SYNPO2: variants seen among roughly 807,000 people sequenced by gnomAD.
SYNPO2 encodes the protein synaptopodin 2, also known as synaptopodin-2.
In SYNPO2, 56 loss-of-function variants were observed where a neutral mutation model predicts 85.0. That is an observed-to-expected ratio of 0.66 (90% CI 0.53 to 0.82). The LOEUF is 0.82. Among genes scored for constraint, SYNPO2 ranks in the 40% least tolerant of loss-of-function variants. The probability of loss-of-function intolerance (pLI) is 0.00; values close to 1 mark genes in which losing one functional copy is unlikely to be tolerated. For synonymous variants in SYNPO2, 602 were observed against 591.1 expected, an observed-to-expected ratio of 1.02 and a Z score of -0.27; for missense variants, 1,575 against 1,534.2, an observed-to-expected ratio of 1.03 and a Z score of -0.44.
intron 4 of SYNPO2, chr4:119,036,150 T>G: frequency 1.3e-5 from 13 of 985,462 alleles, no homozygotes; most frequent in Non-Finnish European, 1.6e-5. Flanking sequence ...GAGTCACAAC[T>G]GGCCCAGCAG....
chr4:118,966,354 G>A (rs138189194), intron 1 of SYNPO2, among the ~76,000 whole-genome samples: 11 of 152,328 alleles, frequency 7.2e-5, no homozygotes, highest in African/African-American at 2.6e-4. Context: ...AGAAAAGGCA[G>A]TCTGCCTCCC....
chr4:119,032,041 CT>C lies in SYNPO2; in HGVS notation c.3252+15del. The C allele has an allele frequency of 6.2e-7, 1 of 1,613,306 alleles. No individual in the cohort carries two copies. Among genetic ancestry groups the C allele is most frequent in the South Asian group, 1.1e-5 (1 of 90,844 alleles). On this transcript the variant is annotated intron_variant, in intron 4 of 4. Coordinates refer to ENST00000307142, the MANE Select transcript of SYNPO2 (RefSeq NM_133477.3). ...GTCACAATTCAGGTGTGGAAACCAT[CT>C]GTTGTGGAAGAGTAATCTTGTAGCT...
intron 1 of SYNPO2, among the ~76,000 whole-genome samples, chr4:118,936,189 C>G (rs191034158): frequency 1.3e-5 from 2 of 152,092 alleles, no homozygotes; most frequent in South Asian, 4.1e-4. Flanking sequence ...TGCCATATAA[C>G]GTAGGTGTGT....
chr4:119,013,535 T>C (rs1376020802), intron 1 of SYNPO2, among the ~76,000 whole-genome samples: 4 of 152,204 alleles, frequency 2.6e-5, no homozygotes, highest in Non-Finnish European at 4.4e-5. Context: ...TATTCAGCAG[T>C]TATTTTCTAG....
chr4:118,964,133 A>C (rs912655635), intron 1 of SYNPO2, among the ~76,000 whole-genome samples: 4 of 152,158 alleles, frequency 2.6e-5, no homozygotes, highest in African/African-American at 9.7e-5. Context: ...TTGGGGGATA[A>C]AGATAAATAA....
chr4:118,877,299 C>G (rs2110576707), intron 1 of SYNPO2, among the ~76,000 whole-genome samples: 1 of 152,102 alleles, frequency 6.6e-6, no homozygotes, highest in East Asian at 1.9e-4. Flanking sequence ...GATATAGGAC[C>G]AGGCAAATTT....
intron 1 of SYNPO2, among the ~76,000 whole-genome samples, chr4:118,876,665 TTCTCTTTC>T (rs1731917578): frequency 7.4e-6 from 1 of 135,268 alleles, no homozygotes; most frequent in African/African-American, 2.7e-5. Context: ...CTTCCTTCCT[TTCTCTTTC>T]TTTCTTTCTT....
At chr4:118,852,009 TCTAA>T (rs1333799052) in intron 1 of SYNPO2, among the ~76,000 whole-genome samples, 2 of 152,220 alleles carry the variant, frequency 1.3e-5, no homozygotes, top group Non-Finnish European at 2.9e-5. Flanking sequence ...AAGAAAGTTT[TCTAA>T]CTGTTATATT....
At chr4:119,038,670 G>A (rs1450024422) in intron 4 of SYNPO2, among the ~76,000 whole-genome samples, 2 of 152,122 alleles carry the variant, frequency 1.3e-5, no homozygotes, top group Non-Finnish European at 2.9e-5. Flanking sequence ...ACAGAATAAC[G>A]CTGAGGGAGT....
At position 119,058,110 on chromosome 4, in the gene SYNPO2, A is replaced by G; in HGVS notation, c.*176A>G. 1.9e-6 allele frequency: 1 copy of G among 531,152 alleles called. No homozygotes were observed. The highest frequency in any genetic ancestry group is 3.3e-6 in the Non-Finnish European group (1 of 305,638). The allele number at this position is 531,152 out of a possible 1,614,324, so 32.9% of individuals were successfully genotyped here. On this transcript the variant is annotated 3_prime_UTR_variant, in exon 5 of 5. Transcript: ENST00000307142. ...TGTGTGTGTGTGTATGTATGTGAAT[A>G]TACACACACACACACACACAGGTGA... is the stretch of plus-strand genomic sequence containing the variant.
intron 4 of SYNPO2, among the ~76,000 whole-genome samples, chr4:119,051,656 T>C (rs985739413): frequency 2.6e-5 from 4 of 152,172 alleles, no homozygotes; most frequent in African/African-American, 9.6e-5. Flanking sequence ...TTTCTTGGAA[T>C]TGATTTGTAG....
intron 1 of SYNPO2, among the ~76,000 whole-genome samples, chr4:118,902,230 T>G (rs1370152660): frequency 1.3e-5 from 2 of 152,204 alleles, no homozygotes; most frequent in African/African-American, 4.8e-5. Context: ...AATTTCCTCT[T>G]CATCCATTTC....
chr4:119,046,239 A>G (rs1456314845), intron 4 of SYNPO2, among the ~76,000 whole-genome samples: 1 of 152,234 alleles, frequency 6.6e-6, no homozygotes, highest in Non-Finnish European at 1.5e-5. Flanking sequence ...CAACAAAAGT[A>G]TATGCACACA....
chr4:118,899,237 T>C (rs1440871766), intron 1 of SYNPO2, among the ~76,000 whole-genome samples: 1 of 152,214 alleles, frequency 6.6e-6, no homozygotes, highest in Admixed American at 6.5e-5. Context: ...ATATAGTATA[T>C]ATGTACATGT....
intron 1 of SYNPO2, among the ~76,000 whole-genome samples, chr4:118,998,303 G>C (rs1169798121): frequency 6.6e-6 from 1 of 152,168 alleles, no homozygotes; most frequent in Non-Finnish European, 1.5e-5. Flanking sequence ...GGACTGCTAA[G>C]CAGTGAAACA....
intron 1 of SYNPO2, among the ~76,000 whole-genome samples, chr4:119,003,683 G>A (rs1044280633): frequency 6.6e-6 from 1 of 151,994 alleles, no homozygotes; most frequent in Admixed American, 6.5e-5. Flanking sequence ...TTTGCATTCT[G>A]CCTTTTTAGT....
chr4:119,057,663 C>T lies in SYNPO2; in HGVS notation c.3515C>T (p.Pro1172Leu), dbSNP rs1389181856. 1.2e-6 allele frequency: 2 copies of T among 1,613,986 alleles called. No individual in the cohort carries two copies. The highest frequency in any genetic ancestry group is 1.7e-6 in the Non-Finnish European group (2 of 1,180,036). The change falls in exon 5 of 5, where the codon CCT becomes CTT. Residue 1172 changes from proline (P) to leucine (L), a missense_variant. Transcript: ENST00000307142. The stretch of plus-strand genomic sequence containing the variant: ...GCTCGGAGGAAGGTGCTTCCAGGGC[C>T]TCCAGAGGATTGGAATGAAAGACTG... ...SAARRKVLPG[P>L]PEDWNERLSY...
chr4:118,864,049 G>T (rs1459659055), intron 1 of SYNPO2, among the ~76,000 whole-genome samples: 1 of 152,128 alleles, frequency 6.6e-6, no homozygotes, highest in Non-Finnish European at 1.5e-5. Flanking sequence ...TCACTAGCTT[G>T]TTTATTTGAA....
intron 1 of SYNPO2, among the ~76,000 whole-genome samples, chr4:118,874,560 T>C (rs978423784): frequency 6.6e-6 from 1 of 152,220 alleles, no homozygotes; most frequent in Non-Finnish European, 1.5e-5. Context: ...GACTGAACCA[T>C]GGCTCTTTTT....
Sources: allele counts gnomAD v4.1 joint callset (sites outside exome capture counted in the v4.1 genomes callset), GRCh38; gene constraint gnomAD v4.1.1; transcripts MANE v1.5; gene names NCBI Gene and HGNC (gene_info 2026-07-23, HGNC 2026-07-21).